Variants in CNTNAP3B observed in about 807,000 individuals in gnomAD.
CNTNAP3B encodes the protein contactin-associated protein-like 3B.
Under a neutral mutation model 108.9 loss-of-function variants are expected in CNTNAP3B, and 25 were observed. That is an observed-to-expected ratio of 0.23 (90% CI 0.17 to 0.32). The LOEUF is 0.32. Among genes scored for constraint, CNTNAP3B ranks in the 10% least tolerant of loss-of-function variants. CNTNAP3B has a pLI of 1.00. For synonymous variants in CNTNAP3B, 103 were observed against 473.4 expected (o/e 0.22, Z 10.16); for missense variants, 252 against 1,210.4 (o/e 0.21, Z 11.75).
intron 10 of CNTNAP3B, among the ~76,000 whole-genome samples, chr9:41,966,679 C>G: frequency 6.6e-6 from 1 of 152,272 alleles, no homozygotes; most frequent in East Asian, 1.9e-4. Context: ...AAGTTAAAAC[C>G]TATCCTGGCT....
At chr9:42,055,052 G>A (rs1587234407) in intron 3 of CNTNAP3B, among the ~76,000 whole-genome samples, 1 of 140,528 alleles carries the variant, frequency 7.1e-6, no homozygotes, top group East Asian at 2.1e-4. Flanking sequence ...CTGAGCTTTA[G>A]CGATTGGCTT....
At chr9:41,952,263 T>A (rs2118144664) in intron 13 of CNTNAP3B, among the ~76,000 whole-genome samples, 1 of 152,298 alleles carries the variant, frequency 6.6e-6, no homozygotes, top group South Asian at 2.1e-4. Flanking sequence ...TTTATTATGC[T>A]ACCGACATAC....
chr9:41,926,832 A>G (rs1459293371), intron 15 of CNTNAP3B: 1 of 152,468 alleles, frequency 6.6e-6, no homozygotes, highest in Non-Finnish European at 1.5e-5. Context: ...GAGTCTCACA[A>G]ATACAGCCAC....
chr9:41,930,363 T>G (rs879620129), intron 14 of CNTNAP3B, among the ~76,000 whole-genome samples: 2 of 152,276 alleles, frequency 1.3e-5, no homozygotes, highest in East Asian at 1.9e-4. Flanking sequence ...GGCAACATAG[T>G]GAGGCCCCGT....
At chr9:42,043,090 C>A (rs1376147006) in intron 3 of CNTNAP3B, among the ~76,000 whole-genome samples, 1 of 145,578 alleles carries the variant, frequency 6.9e-6, no homozygotes. Context: ...ATTGTCATGA[C>A]AACCATAATC....
intron 3 of CNTNAP3B, among the ~76,000 whole-genome samples, chr9:42,029,532 C>CT (rs1190604260): frequency 0.012 from 1,429 of 114,530 alleles, 67 homozygotes; most frequent in African/African-American, 0.034. Context: ...CATATACATT[C>CT]TTTTTTTTTT....
rs1314584479 is a variant in CNTNAP3B, at chr9:42,087,582, C to T, written c.197-10520G>A. On this transcript the variant is annotated intron_variant, in intron 2 of 23. Coordinates refer to ENST00000377561, the MANE Select transcript of CNTNAP3B (RefSeq NM_001201380.3). ...GGCAAAGGAGACAGATACAAATATG[C>T]TGAAACTCATGTTGTTGTTTGTGGT... Among the ~76,000 whole-genome samples the T allele has an allele frequency of 6.2e-5, 9 of 145,048 alleles. 2 individuals are homozygous for T. The highest frequency in any genetic ancestry group is 3.4e-3 in the Middle Eastern group (1 of 292).
intron 3 of CNTNAP3B, among the ~76,000 whole-genome samples, chr9:42,061,310 T>A (rs1168823862): frequency 9.1e-6 from 1 of 109,422 alleles, no homozygotes; most frequent in Non-Finnish European, 1.8e-5. Context: ...TTCTGAATTT[T>A]CTTTTTCTTT....
chr9:41,953,658 AT>A (rs1204211082), intron 12 of CNTNAP3B, among the ~76,000 whole-genome samples: 1 of 147,432 alleles, frequency 6.8e-6, no homozygotes, highest in Admixed American at 6.8e-5. Flanking sequence ...TGTTAAAACC[AT>A]TTTTTTATAT....
chr9:42,094,054 T>C lies in CNTNAP3B; in HGVS notation c.196+10575A>G, dbSNP rs577679818. Among the ~76,000 whole-genome samples, 25 of 136,286 alleles carry C rather than the reference T, an allele frequency of 1.8e-4. 4 individuals carry two copies. In the East Asian group the frequency reaches 5.2e-3, roughly 28 times the overall value. The allele number at this position is 136,286 out of a possible 152,430, so 89.4% of individuals were successfully genotyped here. A position where few individuals can be genotyped will look rare whatever the true frequency, so the allele number is the denominator to read the frequency against. On this transcript the variant is annotated intron_variant, in intron 2 of 23. Transcript: ENST00000377561. ...AATTTGTCCAAAGTCACACAGCTAG[T>C]AAGGGGTAGAGCCTGGATGATTCCA...
intron 3 of CNTNAP3B, among the ~76,000 whole-genome samples, chr9:42,042,966 G>A (rs1451119852): frequency 6.7e-6 from 1 of 148,864 alleles, no homozygotes; most frequent in Non-Finnish European, 1.5e-5. Context: ...AAAGAAAATG[G>A]GATTATATTC....
chr9:42,088,637 T>C (rs1587262661), intron 2 of CNTNAP3B, among the ~76,000 whole-genome samples: 1 of 139,012 alleles, frequency 7.2e-6, no homozygotes, highest in South Asian at 2.3e-4. Flanking sequence ...TCATTCAACA[T>C]TTGTAACATA....
chr9:42,119,956 A>G (rs1372554320), intron 1 of CNTNAP3B, among the ~76,000 whole-genome samples: 1 of 141,504 alleles, frequency 7.1e-6, no homozygotes, highest in Non-Finnish European at 1.5e-5. Flanking sequence ...AATGGCAACA[A>G]AAGCCAAAAT....
At chr9:42,033,289 C>A (rs1438529804) in intron 3 of CNTNAP3B, among the ~76,000 whole-genome samples, 2 of 150,142 alleles carry the variant, frequency 1.3e-5, no homozygotes, top group African/African-American at 5.0e-5. Context: ...TCTCATCCAT[C>A]TTTGAGCAAT....
At chr9:42,116,320 A>C (rs1828315989) in intron 1 of CNTNAP3B, among the ~76,000 whole-genome samples, 2 of 129,928 alleles carry the variant, frequency 1.5e-5, no homozygotes, top group South Asian at 2.6e-4. Context: ...CTAACAGCGG[A>C]TCTCTCGGCA....
chr9:41,933,990 G>GTTAA lies in CNTNAP3B; in HGVS notation c.2237+4250_2237+4253dup, dbSNP rs1438047710. 9.9e-5 allele frequency among the ~76,000 whole-genome samples: 15 copies of GTTAA among 151,576 alleles called. No homozygotes were observed. In the South Asian group the frequency reaches 1.5e-3, roughly 15 times the overall value. The stretch of plus-strand genomic sequence containing the variant: ...GATATATGGCTGCTATATCAAGTTT[G>GTTAA]TTAATTATAATATTAAAATATTCTT... On this transcript the variant is annotated intron_variant, in intron 14 of 23. Transcript: ENST00000377561.
chr9:41,952,394 T>C (rs1038921108), intron 13 of CNTNAP3B, among the ~76,000 whole-genome samples: 6 of 152,216 alleles, frequency 3.9e-5, no homozygotes, highest in African/African-American at 1.4e-4. Context: ...GCCTATATAC[T>C]ATTTGGGATT....
rs1175406735 is a variant in CNTNAP3B, at chr9:41,976,938, G to A, written c.1478-6693C>T. The stretch of plus-strand genomic sequence containing the variant: ...CTGTCTAAAAAAAAGGCAAAACAAC[G>A]AAACACCACCCCCCTAAATTTTATA... On this transcript the variant is annotated intron_variant, in intron 9 of 23. Transcript: ENST00000377561. Among the ~76,000 whole-genome samples the A allele has an allele frequency of 7.8e-5, 11 of 141,844 alleles. 1 individual carries two copies. The highest frequency in any genetic ancestry group is 2.1e-4 in the East Asian group (1 of 4,802). The allele number at this position is 141,844 out of a possible 152,430, so 93.1% of individuals were successfully genotyped here.
intron 13 of CNTNAP3B, among the ~76,000 whole-genome samples, chr9:41,945,258 A>G (rs1393470986): frequency 6.6e-6 from 1 of 152,280 alleles, no homozygotes; most frequent in African/African-American, 2.4e-5. Flanking sequence ...CAGCCATCCC[A>G]TTACTGGGTA....
Sources: allele counts gnomAD v4.1 joint callset (sites outside exome capture counted in the v4.1 genomes callset), GRCh38; gene constraint gnomAD v4.1.1; transcripts MANE v1.5; gene names NCBI Gene and HGNC (gene_info 2026-07-23, HGNC 2026-07-21).